SEZ6L: variants seen among roughly 807,000 people sequenced by gnomAD.
SEZ6L encodes the protein seizure 6-like protein.
SEZ6L carries 37 observed loss-of-function variants against 106.2 expected under a neutral mutation model. The ratio of observed to expected loss-of-function variants is 0.35; its 90% CI spans 0.27 to 0.46. SEZ6L has a LOEUF of 0.46. Ranked by LOEUF, SEZ6L falls within the 20% of genes least tolerant of loss-of-function variation. SEZ6L has a pLI of 1.00. For synonymous variants in SEZ6L, 541 were observed against 570.4 expected (o/e 0.95, Z 0.73); for missense variants, 1,172 against 1,332.8 (o/e 0.88, Z 1.88).
chr22:26,284,542 G>A (rs552756743), intron 1 of SEZ6L, among the ~76,000 whole-genome samples: 40 of 147,290 alleles, frequency 2.7e-4, no homozygotes, highest in South Asian at 1.3e-3. Flanking sequence ...CCCAGGAGGC[G>A]GAGGTTGCAG....
intron 12 of SEZ6L, among the ~76,000 whole-genome samples, chr22:26,363,322 T>C (rs1456104172): frequency 6.6e-6 from 1 of 152,254 alleles, no homozygotes; most frequent in Admixed American, 6.5e-5. Context: ...TATACTGTAC[T>C]GTGTGCCTTG....
chr22:26,202,766 T>A (rs903522582), intron 1 of SEZ6L, among the ~76,000 whole-genome samples: 1 of 152,224 alleles, frequency 6.6e-6, no homozygotes, highest in African/African-American at 2.4e-5. Flanking sequence ...TTTAGAAGAA[T>A]GATCAGCCCC....
intron 9 of SEZ6L, among the ~76,000 whole-genome samples, chr22:26,321,113 T>C (rs1207316734): frequency 6.6e-6 from 1 of 152,222 alleles, no homozygotes; most frequent in African/African-American, 2.4e-5. Flanking sequence ...TTGTCCATGA[T>C]ATTTAATATT....
intron 11 of SEZ6L, among the ~76,000 whole-genome samples, chr22:26,350,716 G>C (rs1182684028): frequency 6.7e-6 from 1 of 150,206 alleles, no homozygotes; most frequent in South Asian, 2.1e-4. Context: ...GAGTGCAGTG[G>C]TGCGATCTCG....
chr22:26,278,788 GGAAGGGAGGGAGGAAGGAAGGAAT>G (rs1411601372), intron 1 of SEZ6L, among the ~76,000 whole-genome samples: 1 of 149,542 alleles, frequency 6.7e-6, no homozygotes, highest in East Asian at 1.9e-4. Context: ...AAGGAAGGAA[GGAAGGGAGGGAGGAAGGAAGGAAT>G]GAAGGAGAGA....
At chr22:26,209,049 A>C (rs1941462671) in intron 1 of SEZ6L, among the ~76,000 whole-genome samples, 1 of 152,074 alleles carries the variant, frequency 6.6e-6, no homozygotes, top group East Asian at 1.9e-4. Flanking sequence ...TTTAAGCTCC[A>C]TCAGTGAATA....
chr22:26,176,643 A>G (rs1388112670), intron 1 of SEZ6L, among the ~76,000 whole-genome samples: 1 of 152,216 alleles, frequency 6.6e-6, no homozygotes, highest in African/African-American at 2.4e-5. Context: ...TTAGTTCTCT[A>G]GGCCTGTTTT....
Position 26,314,400 on chromosome 22 carries a change from C to A in SEZ6L, c.2015+498C>A, listed in dbSNP as rs117014905. On this transcript the variant is annotated intron_variant, in intron 9 of 16. Transcript: ENST00000248933. Reference sequence around the variant, plus strand: ...GGCAAGCATCTCATTTTCAAAGGACCAAATGGCCAGTGTGGCCAGCAAGAA... The same window carrying A: ...GGCAAGCATCTCATTTTCAAAGGACAAAATGGCCAGTGTGGCCAGCAAGAA... Among the ~76,000 whole-genome samples the A allele has an allele frequency of 6.4e-3, 975 of 152,252 alleles. 18 individuals carry two copies. Among genetic ancestry groups the A allele is most frequent in the East Asian group, 0.059 (306 of 5,172 alleles).
At chr22:26,186,054 T>G (rs1171030615) in intron 1 of SEZ6L, among the ~76,000 whole-genome samples, 1 of 151,966 alleles carries the variant, frequency 6.6e-6, no homozygotes, top group African/African-American at 2.4e-5. Context: ...ACACCCTGGC[T>G]GCCCATGAAC....
chr22:26,375,446 G>A, intron 14 of SEZ6L, 129 bp from the exon 15 acceptor site: 2 of 704,774 alleles, frequency 2.8e-6, no homozygotes, highest in Non-Finnish European at 5.0e-6. Context: ...GGCTCTGCAA[G>A]GTCTAAGGCC....
At chr22:26,314,460 T>C (rs1000372537) in intron 9 of SEZ6L, among the ~76,000 whole-genome samples, 15 of 152,272 alleles carry the variant, frequency 9.9e-5, no homozygotes, top group African/African-American at 3.6e-4. Context: ...TGGACTACAG[T>C]TGTTTATTTT....
At chr22:26,352,650 C>T (rs1403159173) in intron 12 of SEZ6L, among the ~76,000 whole-genome samples, 1 of 152,162 alleles carries the variant, frequency 6.6e-6, no homozygotes, top group Non-Finnish European at 1.5e-5. Flanking sequence ...GAAAGGCAAC[C>T]AGAAAGCAGG....
chr22:26,254,407 A>T (rs1449262332), intron 1 of SEZ6L, among the ~76,000 whole-genome samples: 1 of 152,100 alleles, frequency 6.6e-6, no homozygotes, highest in Non-Finnish European at 1.5e-5. Flanking sequence ...AACGGAGAGC[A>T]GGAAGGAGGA....
In SEZ6L at chr22:26,360,926, A is replaced by C. The variant is rs549453501; in HGVS notation, c.2600-4446A>C. Among the ~76,000 whole-genome samples, 20 of 152,190 alleles carry C rather than the reference A, an allele frequency of 1.3e-4. No homozygotes were observed. The South Asian group carries it at 1.5e-3, about 11-fold the overall frequency. ...AAAAACAAAAACAAAAAAAACACGG[A>C]GAGTGTATTCTGGACTCTGGGAGTT... On this transcript the variant is annotated intron_variant, in intron 12 of 16. Coordinates refer to ENST00000248933, the MANE Select transcript of SEZ6L (RefSeq NM_021115.5).
chr22:26,256,375 C>T (rs550986003), intron 1 of SEZ6L, among the ~76,000 whole-genome samples: 76 of 152,360 alleles, frequency 5.0e-4, no homozygotes, highest in Non-Finnish European at 8.1e-4. Flanking sequence ...TTCCTCCATT[C>T]CAGTATTTCC....
At chr22:26,277,770 G>A (rs111407007) in intron 1 of SEZ6L, among the ~76,000 whole-genome samples, 20 of 152,284 alleles carry the variant, frequency 1.3e-4, no homozygotes, top group African/African-American at 4.8e-4. Flanking sequence ...CAGAACCATG[G>A]CCACAGAATG....
At chr22:26,316,232 C>G (rs921502108) in intron 9 of SEZ6L, among the ~76,000 whole-genome samples, 1 of 152,100 alleles carries the variant, frequency 6.6e-6, no homozygotes, top group Non-Finnish European at 1.5e-5. Context: ...AATGGTTGTT[C>G]CTTCAGTGGT....
chr22:26,173,348 G>C (rs1186545598), intron 1 of SEZ6L, among the ~76,000 whole-genome samples: 1 of 152,218 alleles, frequency 6.6e-6, no homozygotes, highest in Non-Finnish European at 1.5e-5. Context: ...GTAGAAAGGG[G>C]TTGAAGGGCA....
At chr22:26,263,818 A>G (rs2080092559) in intron 1 of SEZ6L, among the ~76,000 whole-genome samples, 1 of 152,026 alleles carries the variant, frequency 6.6e-6, no homozygotes, top group African/African-American at 2.4e-5. Context: ...TCCCGTCTCT[A>G]TCCAACTCAA....
Sources: gnomAD v4.1 joint callset for allele counts (sites outside exome capture counted in the v4.1 genomes callset) on GRCh38, gnomAD v4.1.1 for gene constraint, MANE v1.5 for transcripts, NCBI Gene and HGNC (gene_info 2026-07-23, HGNC 2026-07-21) for gene names.